The following KCNMA1 variants were observed in gnomAD, a reference collection of about 807,000 sequenced individuals.
The protein encoded by KCNMA1 is Calcium-activated potassium channel subunit alpha-1.
Under a neutral mutation model 140.0 loss-of-function variants are expected in KCNMA1, and 29 were observed. The ratio of observed to expected loss-of-function variants is 0.21; its 90% CI spans 0.15 to 0.28. The LOEUF is 0.28. Among genes scored for constraint, KCNMA1 ranks in the 10% least tolerant of loss-of-function variants. KCNMA1 has a pLI of 1.00. For missense variants in KCNMA1, 880 were observed against 1,602.2 expected, an observed-to-expected ratio of 0.55 and a Z score of 7.70; for synonymous variants, 612 against 611.9, an observed-to-expected ratio of 1.00 and a Z score of 0.00.
chr10:76,897,734 G>T (rs192094547), intron 25 of KCNMA1, among the ~76,000 whole-genome samples: 21 of 151,904 alleles, frequency 1.4e-4, no homozygotes, highest in Non-Finnish European at 2.8e-4. Context: ...AAAATGGAAT[G>T]CAAATGTCAA....
At chr10:76,956,629 C>T (rs1591884916) in intron 20 of KCNMA1, among the ~76,000 whole-genome samples, 1 of 152,168 alleles carries the variant, frequency 6.6e-6, no homozygotes, top group East Asian at 1.9e-4. Context: ...ATGGAGGCTA[C>T]AGTAATGATT....
At chr10:77,284,097 A>G (rs1215792821) in intron 2 of KCNMA1, among the ~76,000 whole-genome samples, 1 of 152,200 alleles carries the variant, frequency 6.6e-6, no homozygotes, top group Non-Finnish European at 1.5e-5. Flanking sequence ...AAATTGGGCT[A>G]AAGACAATAT....
chr10:77,239,755 C>T (rs2056756167), intron 3 of KCNMA1, among the ~76,000 whole-genome samples: 1 of 152,200 alleles, frequency 6.6e-6, no homozygotes, highest in African/African-American at 2.4e-5. Flanking sequence ...GTAGCCTAGA[C>T]TTGGGACCAT....
chr10:77,522,035 C>A (rs543874532), intron 1 of KCNMA1, among the ~76,000 whole-genome samples: 1 of 151,960 alleles, frequency 6.6e-6, no homozygotes, highest in Non-Finnish European at 1.5e-5. Flanking sequence ...ATTAGCCAGG[C>A]GTGGTGGCAG....
intron 15 of KCNMA1, among the ~76,000 whole-genome samples, chr10:77,037,287 T>C (rs1594402838): frequency 1.3e-5 from 2 of 152,162 alleles, no homozygotes; most frequent in Non-Finnish European, 2.9e-5. Context: ...GAGGAGTAAC[T>C]ACATGACTAT....
chr10:77,437,536 T>C (rs548581806), intron 1 of KCNMA1, among the ~76,000 whole-genome samples: 261 of 152,294 alleles, frequency 1.7e-3, no homozygotes, highest in African/African-American at 5.9e-3. Context: ...CATTCATGGA[T>C]AGAAAATTCA....
In KCNMA1 at chr10:76,969,284, G is replaced by GGGAAGGAAGGAAGGAGGGAA. The variant is rs2075182203; in HGVS notation, c.2360+670_2360+689dup. On this transcript the variant is annotated intron_variant, in intron 20 of 27. Coordinates refer to ENST00000286628, the MANE Select transcript of KCNMA1 (RefSeq NM_001161352.2). ...GAAGGGAGGGAGGGAGGGGGAAGAA[G>GGGAAGGAAGGAAGGAGGGAA]GGAAGGAAGGAAGGAGGGAAGGAAG... Among the ~76,000 whole-genome samples the GGGAAGGAAGGAAGGAGGGAA allele has an allele frequency of 1.3e-4, 4 of 29,802 alleles. No homozygotes were observed. In the Admixed American group the frequency reaches 1.5e-3, roughly 11 times the overall value. The allele number at this position is 29,802 out of a possible 152,430, so 19.6% of individuals were successfully genotyped here.
chr10:77,461,291 G>A (rs989936444), intron 1 of KCNMA1, among the ~76,000 whole-genome samples: 2 of 150,140 alleles, frequency 1.3e-5, no homozygotes, highest in African/African-American at 4.9e-5. Context: ...CACATCCTTA[G>A]ACCACTTCCA....
chr10:76,922,463 T>A (rs1232430336), intron 23 of KCNMA1, among the ~76,000 whole-genome samples: 1 of 152,140 alleles, frequency 6.6e-6, no homozygotes, highest in Non-Finnish European at 1.5e-5. Flanking sequence ...GCATCCTGAC[T>A]TCACAGGGCC....
At chr10:77,201,883 T>A (rs2042604465) in intron 3 of KCNMA1, among the ~76,000 whole-genome samples, 1 of 152,122 alleles carries the variant, frequency 6.6e-6, no homozygotes, top group Admixed American at 6.5e-5. Flanking sequence ...TTTACAGCAG[T>A]ACGCCAATAT....
intron 21 of KCNMA1, 76 bp from the exon 22 acceptor site, chr10:76,949,442 T>C: frequency 1.6e-6 from 2 of 1,238,320 alleles, no homozygotes; most frequent in East Asian, 5.0e-5. Context: ...ATAAATCATT[T>C]GTGCAAAGAA....
chr10:77,611,770 CA>C (rs1218353846), intron 1 of KCNMA1, among the ~76,000 whole-genome samples: 1 of 152,012 alleles, frequency 6.6e-6, no homozygotes, highest in Non-Finnish European at 1.5e-5. Context: ...ACAACTTTAC[CA>C]AAAACCCTTG....
rs543097238 is a variant in KCNMA1 at position 77,157,545 on chromosome 10, AAAAT to A, written c.808+25872_808+25875del. On this transcript the variant is annotated intron_variant, in intron 5 of 27. Coordinates refer to ENST00000286628, the MANE Select transcript of KCNMA1 (RefSeq NM_001161352.2). ...GAATATGTTGAGTTTTTTAAATAAT[AAAAT>A]AATTATTTTGAAAATACATAAGGAA... 9.5e-3 allele frequency among the ~76,000 whole-genome samples: 1,446 copies of A among 151,548 alleles called. 14 individuals are homozygous for A. Among genetic ancestry groups the A allele is most frequent in the Middle Eastern group, 0.027 (8 of 294 alleles).
chr10:77,286,986 C>T (rs143524411), intron 2 of KCNMA1, among the ~76,000 whole-genome samples: 3 of 152,292 alleles, frequency 2.0e-5, no homozygotes, highest in East Asian at 1.9e-4. Flanking sequence ...CATATAATCA[C>T]GTTTCATACT....
At chr10:77,112,728 C>A (rs2153891246) in intron 6 of KCNMA1, among the ~76,000 whole-genome samples, 1 of 152,258 alleles carries the variant, frequency 6.6e-6, no homozygotes, top group South Asian at 2.1e-4. Flanking sequence ...CACTTGTACG[C>A]TCTTCATTTA....
At chr10:76,981,454 C>T (rs1370410996) in intron 19 of KCNMA1, among the ~76,000 whole-genome samples, 1 of 152,184 alleles carries the variant, frequency 6.6e-6, no homozygotes, top group African/African-American at 2.4e-5. Flanking sequence ...CCCACTGTTT[C>T]CTCTAAATTA....
chr10:77,584,780 T>C (rs2076801513), intron 1 of KCNMA1, among the ~76,000 whole-genome samples: 1 of 152,216 alleles, frequency 6.6e-6, no homozygotes, highest in African/African-American at 2.4e-5. Flanking sequence ...CCTGGCTGTC[T>C]GACATCACCT....
At chr10:77,579,646 G>C (rs887714220) in intron 1 of KCNMA1, among the ~76,000 whole-genome samples, 2 of 152,092 alleles carry the variant, frequency 1.3e-5, no homozygotes, top group African/African-American at 4.8e-5. Flanking sequence ...GGAAGTTTTG[G>C]GAGGTTTTAA....
chr10:77,297,079 C>A (rs982222485), intron 2 of KCNMA1, among the ~76,000 whole-genome samples: 2 of 152,060 alleles, frequency 1.3e-5, no homozygotes, highest in Admixed American at 1.3e-4. Flanking sequence ...CTGAGACCAC[C>A]CCCGTAACTT....
Sources: allele counts gnomAD v4.1 joint callset (sites outside exome capture counted in the v4.1 genomes callset), GRCh38; gene constraint gnomAD v4.1.1; transcripts MANE v1.5; gene names NCBI Gene and HGNC (gene_info 2026-07-23, HGNC 2026-07-21).